SIK3: variants seen among roughly 807,000 people sequenced by gnomAD.
The protein encoded by SIK3 is serine/threonine-protein kinase SIK3.
SIK3 carries 28 observed loss-of-function variants against 144.2 expected under a neutral mutation model. That is an observed-to-expected ratio of 0.19 (90% confidence interval 0.14 to 0.27). The LOEUF (loss-of-function observed/expected upper bound fraction) is 0.27, where lower values mean the gene tolerates loss of function less well. Among genes scored for constraint, SIK3 ranks in the 10% least tolerant of loss-of-function variants. The probability of loss-of-function intolerance (pLI) is 1.00; values close to 1 mark genes in which losing one functional copy is unlikely to be tolerated. For synonymous variants in SIK3, 686 were observed against 676.3 expected, an observed-to-expected ratio of 1.01 and a Z score of -0.22; for missense variants, 1,319 against 1,776.0, an observed-to-expected ratio of 0.74 and a Z score of 4.62.
At chr11:117,018,913 T>G (rs928955531) in intron 1 of SIK3, among the ~76,000 whole-genome samples, 34 of 151,996 alleles carry the variant, frequency 2.2e-4, no homozygotes, top group African/African-American at 8.0e-4. Flanking sequence ...GGTTTCACCA[T>G]GCTGGCCAGG....
chr11:116,875,537 G>T, intron 9 of SIK3, 86 bp from the exon 10 acceptor site: 1 of 1,415,816 alleles, frequency 7.1e-7, no homozygotes, highest in Non-Finnish European at 9.7e-7. Context: ...GATTGCTAAA[G>T]TCTATGTTTC....
At chr11:116,957,142 A>C in intron 1 of SIK3, 78 bp from the exon 2 acceptor site, 1 of 674,826 alleles carries the variant, frequency 1.5e-6, no homozygotes, top group Admixed American at 2.9e-5. Context: ...TCACTTTAAA[A>C]CATTACGTTC....
At chr11:116,913,709 A>C (rs765653937) in intron 4 of SIK3, among the ~76,000 whole-genome samples, 3 of 152,128 alleles carry the variant, frequency 2.0e-5, no homozygotes, top group Non-Finnish European at 4.4e-5. Context: ...TAATCAGGTA[A>C]GTTTCTAATA....
At chr11:116,962,880 TCAC>T (rs780126688) in intron 1 of SIK3, among the ~76,000 whole-genome samples, 5 of 151,998 alleles carry the variant, frequency 3.3e-5, no homozygotes, top group South Asian at 2.1e-4. Context: ...AAAACTAATT[TCAC>T]CACTTTTTAC....
At chr11:116,934,411 A>C (rs1048165180) in intron 3 of SIK3, among the ~76,000 whole-genome samples, 2 of 152,194 alleles carry the variant, frequency 1.3e-5, no homozygotes, top group African/African-American at 4.8e-5. Flanking sequence ...CTTCCCAACT[A>C]ATCTAAAAAG....
chr11:117,069,729 A>G (rs1468075048), intron 1 of SIK3, among the ~76,000 whole-genome samples: 1 of 152,146 alleles, frequency 6.6e-6, no homozygotes, highest in Non-Finnish European at 1.5e-5. Context: ...TTCTATTTCC[A>G]ATATTGAAGT....
chr11:116,984,126 A>G (rs1298637242), intron 1 of SIK3, among the ~76,000 whole-genome samples: 6 of 151,662 alleles, frequency 4.0e-5, no homozygotes, highest in African/African-American at 1.2e-4. Flanking sequence ...TTTGTGGGGG[A>G]AAAGGGATCT....
At chr11:117,005,159 T>G (rs1222817666) in intron 1 of SIK3, among the ~76,000 whole-genome samples, 1 of 151,698 alleles carries the variant, frequency 6.6e-6, no homozygotes, top group Non-Finnish European at 1.5e-5. Context: ...AAACAAAATG[T>G]GGGCTGGGCA....
chr11:116,947,937 C>CTT (rs548891642), intron 3 of SIK3, among the ~76,000 whole-genome samples: 7,233 of 133,800 alleles, frequency 0.054, 276 homozygotes, highest in South Asian at 0.11. Flanking sequence ...TCTAAGCTGA[C>CTT]TTTTTTTTTT....
Position 116,859,496 on chromosome 11 carries a change from C to T in SIK3, c.2534G>A (p.Gly845Asp). Residue 845 changes from glycine (G) to aspartate (D), a missense_variant, in exon 20 of 25, where the codon GGT becomes GAT. By Grantham distance (94) the Gly-to-Asp change is moderately conservative (BLOSUM62 -1). Coordinates refer to ENST00000445177, the MANE Select transcript of SIK3 (RefSeq NM_001366686.3). ...CTGTGACTGAGCAGGCTGCTGCATA[C>T]CCAAGCAGGTTAGTGCCACGTTGGG... ...SPPNVALTCLGMQQPAQSQQV... is the reference protein window; with the variant it reads ...SPPNVALTCLDMQQPAQSQQV... 1.2e-6 allele frequency: 2 copies of T among 1,614,166 alleles called. No homozygotes were observed. Among genetic ancestry groups the T allele is most frequent in the Non-Finnish European group, 1.7e-6 (2 of 1,180,050 alleles).
At chr11:116,935,421 C>T (rs1443073151) in intron 3 of SIK3, among the ~76,000 whole-genome samples, 1 of 152,094 alleles carries the variant, frequency 6.6e-6, no homozygotes, top group Non-Finnish European at 1.5e-5. Flanking sequence ...GTAAACTACA[C>T]ACTTTTTAAG....
At chr11:117,018,215 C>A (rs1394514191) in intron 1 of SIK3, among the ~76,000 whole-genome samples, 4 of 152,142 alleles carry the variant, frequency 2.6e-5, no homozygotes, top group African/African-American at 9.7e-5. Flanking sequence ...ACACTCAAGT[C>A]CTGCAGTCCC....
At chr11:116,921,836 T>C (rs561000602) in intron 4 of SIK3, among the ~76,000 whole-genome samples, 9 of 152,346 alleles carry the variant, frequency 5.9e-5, no homozygotes, top group African/African-American at 2.2e-4. Flanking sequence ...TCACCTGGGC[T>C]TTATTCTCTC....
chr11:117,013,909 G>GTGTGTGTGTGTGTGTGTGTGTGTGTAT (rs1565556631), intron 1 of SIK3, among the ~76,000 whole-genome samples: 29 of 35,622 alleles, frequency 8.1e-4, no homozygotes, highest in Non-Finnish European at 1.5e-3. Context: ...AGGGGGGGGG[G>GTGTGTGTGTGTGTGTGTGTGTGTGTAT]GGGAGGGTGT....
intron 2 of SIK3, among the ~76,000 whole-genome samples, chr11:116,956,335 CAA>C (rs67306337): frequency 8.6e-5 from 11 of 128,280 alleles, no homozygotes; most frequent in Non-Finnish European, 8.4e-5. Flanking sequence ...TTGGGAAGAC[CAA>C]AAAAAAAAAA....
intron 3 of SIK3, among the ~76,000 whole-genome samples, chr11:116,943,082 G>A (rs541054271): frequency 6.6e-6 from 1 of 151,960 alleles, no homozygotes; most frequent in South Asian, 2.1e-4. Flanking sequence ...CTATCTGTGG[G>A]CACCACATTC....
At chr11:117,015,287 T>A (rs1212474521) in intron 1 of SIK3, among the ~76,000 whole-genome samples, 2 of 152,154 alleles carry the variant, frequency 1.3e-5, no homozygotes, top group Non-Finnish European at 2.9e-5. Context: ...TTTAATTATT[T>A]AAATTTTAAA....
At chr11:116,952,886 C>T (rs557313011) in intron 3 of SIK3, among the ~76,000 whole-genome samples, 13 of 152,324 alleles carry the variant, frequency 8.5e-5, no homozygotes, top group East Asian at 3.9e-4. Context: ...TCTTGTAATG[C>T]TTTCATTTCT....
At chr11:116,970,354 G>A (rs1949723279) in intron 1 of SIK3, among the ~76,000 whole-genome samples, 1 of 152,018 alleles carries the variant, frequency 6.6e-6, no homozygotes, top group South Asian at 2.1e-4. Flanking sequence ...GGGAGACTTG[G>A]GTTTTGACTT....
Sources: allele counts gnomAD v4.1 joint callset (sites outside exome capture counted in the v4.1 genomes callset), GRCh38; gene constraint gnomAD v4.1.1; transcripts MANE v1.5; gene names NCBI Gene and HGNC (gene_info 2026-07-23, HGNC 2026-07-21).